Variants in FBXO36 observed in about 807,000 individuals in gnomAD.
FBXO36 encodes F-box protein 36.
FBXO36 carries 18 observed loss-of-function variants against 17.0 expected under a neutral mutation model. That is an observed-to-expected ratio of 1.06 (90% CI 0.73 to 1.57). The LOEUF is 1.57. Among genes scored for constraint, FBXO36 ranks in the 40% most tolerant of loss-of-function variants. The pLI is 0.00. For missense variants in FBXO36, 229 were observed against 221.9 expected (o/e 1.03, Z -0.20); for synonymous variants, 83 against 85.3 (o/e 0.97, Z 0.15).
At chr2:230,000,746 T>G (rs369800792) in intron 3 of FBXO36, among the ~76,000 whole-genome samples, 32 of 152,266 alleles carry the variant, frequency 2.1e-4, no homozygotes, top group African/African-American at 7.7e-4. Context: ...TTCTCTAGGT[T>G]GCTGATTTCA....
At chr2:229,936,591 G>A (rs554013445) in intron 1 of FBXO36, among the ~76,000 whole-genome samples, 1 of 152,214 alleles carries the variant, frequency 6.6e-6, no homozygotes, top group Admixed American at 6.6e-5. Context: ...ACTTCAAGCT[G>A]GGCACGGTGG....
chr2:229,995,592 C>CTTTTTTT lies in FBXO36; in HGVS notation c.206-1156_206-1155insTTTTTTT, dbSNP rs748422157. ...TTTCTTTCTTTCTTTCTCTTTCTTT[C>CTTTTTTT]TTTCTTTTTTTTTTTTTTGGACAGA... is the stretch of plus-strand genomic sequence containing the variant. On this transcript the variant is annotated intron_variant, in intron 2 of 3. Transcript: ENST00000283946. Among the ~76,000 whole-genome samples the CTTTTTTT allele has an allele frequency of 1.1e-4, 13 of 114,550 alleles. 2 individuals carry two copies. The highest frequency in any genetic ancestry group is 2.5e-4 in the East Asian group (1 of 4,064). The allele number at this position is 114,550 out of a possible 152,430, so 75.1% of individuals were successfully genotyped here. A position where few individuals can be genotyped will look rare whatever the true frequency, so the allele number is the denominator to read the frequency against.
chr2:229,958,257 CTTTTTTTTTTTT>C (rs1161188534), intron 1 of FBXO36, among the ~76,000 whole-genome samples: 1 of 78,682 alleles, frequency 1.3e-5, no homozygotes, highest in South Asian at 4.3e-4. Flanking sequence ...CTCTGACTTT[CTTTTTTTTTTTT>C]TTTTTTTTTT....
chr2:230,006,641 G>A (rs2077388232), intron 3 of FBXO36, among the ~76,000 whole-genome samples: 1 of 152,162 alleles, frequency 6.6e-6, no homozygotes, highest in Non-Finnish European at 1.5e-5. Flanking sequence ...ACATTCTTGA[G>A]CAGAGCAAAG....
chr2:229,984,444 G>A (rs756230554), intron 2 of FBXO36, among the ~76,000 whole-genome samples: 47 of 103,548 alleles, frequency 4.5e-4, no homozygotes, highest in Admixed American at 7.3e-4. Flanking sequence ...GGGCTGGAGT[G>A]CAGTGGCGTG....
chr2:229,953,321 AG>A (rs1453377762), intron 1 of FBXO36, among the ~76,000 whole-genome samples: 1 of 152,158 alleles, frequency 6.6e-6, no homozygotes, highest in Non-Finnish European at 1.5e-5. Context: ...CCTGGGCGAC[AG>A]AGTGAGACTC....
At chr2:229,929,951 A>G (rs2106153351) in intron 1 of FBXO36, among the ~76,000 whole-genome samples, 1 of 152,376 alleles carries the variant, frequency 6.6e-6, no homozygotes, top group African/African-American at 2.4e-5. Context: ...CCACACAGAA[A>G]GAACTACTGC....
intron 2 of FBXO36, chr2:229,976,933 T>C (rs1164754099): frequency 6.6e-6 from 1 of 152,052 alleles, no homozygotes; most frequent in African/African-American, 2.4e-5. Flanking sequence ...AACAACCAAG[T>C]GGTTTGGGCT....
chr2:229,998,350 C>T (rs1341802438), intron 3 of FBXO36, among the ~76,000 whole-genome samples: 5 of 152,034 alleles, frequency 3.3e-5, no homozygotes, highest in Admixed American at 1.3e-4. Flanking sequence ...TGGCCGGGCG[C>T]GGTGGCTCAT....
At chr2:229,959,762 C>T (rs1020707007) in intron 1 of FBXO36, among the ~76,000 whole-genome samples, 14 of 151,878 alleles carry the variant, frequency 9.2e-5, no homozygotes, top group Middle Eastern at 3.4e-3. Flanking sequence ...AGGAGAATGG[C>T]GTGAACCCAG....
At chr2:229,961,100 C>T (rs1476627587) in intron 1 of FBXO36, among the ~76,000 whole-genome samples, 1 of 151,362 alleles carries the variant, frequency 6.6e-6, no homozygotes, top group Admixed American at 6.6e-5. Context: ...CAGAGCGAGA[C>T]TCCATCTCAA....
intron 1 of FBXO36, among the ~76,000 whole-genome samples, chr2:229,962,054 G>C (rs912501667): frequency 6.6e-6 from 1 of 151,936 alleles, no homozygotes; most frequent in African/African-American, 2.4e-5. Context: ...ACAGTGGCAT[G>C]CGCCTGTAAT....
intron 1 of FBXO36, among the ~76,000 whole-genome samples, chr2:229,971,247 C>T (rs1406811782): frequency 6.6e-6 from 1 of 151,538 alleles, no homozygotes; most frequent in Non-Finnish European, 1.5e-5. Context: ...CCCAGCTACT[C>T]AGGAGGCTGA....
At chr2:229,995,020 A>G (rs1225983653) in intron 2 of FBXO36, among the ~76,000 whole-genome samples, 1 of 152,108 alleles carries the variant, frequency 6.6e-6, no homozygotes, top group Non-Finnish European at 1.5e-5. Context: ...AGGCTGAGGC[A>G]GGAGAATTGC....
chr2:229,983,596 T>A (rs1415219029), intron 2 of FBXO36, among the ~76,000 whole-genome samples: 3 of 152,182 alleles, frequency 2.0e-5, no homozygotes, highest in Non-Finnish European at 4.4e-5. Flanking sequence ...TATGAGCCAC[T>A]CAGCCTGGCC....
intron 1 of FBXO36, among the ~76,000 whole-genome samples, chr2:229,976,016 C>T (rs2077206391): frequency 6.6e-6 from 1 of 152,016 alleles, no homozygotes; most frequent in South Asian, 2.1e-4. Flanking sequence ...CCGACCTGAT[C>T]GATTTTAAAA....
intron 1 of FBXO36, 107 bp from the exon 2 acceptor site, chr2:229,976,134 C>G: frequency 3.0e-6 from 2 of 674,632 alleles, no homozygotes; most frequent in South Asian, 4.4e-5. Flanking sequence ...AAAGTTATAG[C>G]TAATGTTGGA....
intron 1 of FBXO36, among the ~76,000 whole-genome samples, chr2:229,944,188 G>A (rs749338902): frequency 6.6e-6 from 1 of 152,092 alleles, no homozygotes; most frequent in Non-Finnish European, 1.5e-5. Flanking sequence ...AGCAATGCAA[G>A]AACAGGCTAA....
rs141994249 is a variant in FBXO36 at position 229,994,759 on chromosome 2, T to G, written c.206-1992T>G. Reference sequence around the variant, plus strand: ...GAAGAGAAACTGACAAAGCCCCCAGTTTTGGGGCCCCTGTGATCTATATGC... The same window carrying G: ...GAAGAGAAACTGACAAAGCCCCCAGGTTTGGGGCCCCTGTGATCTATATGC... On this transcript the variant is annotated intron_variant, in intron 2 of 3. Transcript: ENST00000283946. Among the ~76,000 whole-genome samples the G allele has an allele frequency of 3.5e-4, 53 of 152,224 alleles. 1 individual carries two copies. Among genetic ancestry groups the G allele is most frequent in the African/African-American group, 1.3e-3 (52 of 41,562 alleles).
Sources: gnomAD v4.1 joint callset for allele counts (sites outside exome capture counted in the v4.1 genomes callset) on GRCh38, gnomAD v4.1.1 for gene constraint, MANE v1.5 for transcripts, NCBI Gene and HGNC (gene_info 2026-07-23, HGNC 2026-07-21) for gene names.